Variants in PTPRG observed in about 807,000 individuals in gnomAD.
PTPRG encodes protein tyrosine phosphatase receptor type G.
Under a neutral mutation model 165.3 loss-of-function variants are expected in PTPRG, and 102 were observed. That is an observed-to-expected ratio of 0.62 (90% confidence interval 0.53 to 0.73). The LOEUF is 0.73. PTPRG is among the 30% of genes least tolerant of loss of function. The probability of loss-of-function intolerance (pLI) is 0.00; values close to 1 mark genes in which losing one functional copy is unlikely to be tolerated. For synonymous variants in PTPRG, 675 were observed against 669.5 expected, an observed-to-expected ratio of 1.01 and a Z score of -0.13; for missense variants, 1,866 against 1,861.4, an observed-to-expected ratio of 1.00 and a Z score of -0.05.
chr3:61,832,618 C>T (rs773095889), intron 2 of PTPRG, among the ~76,000 whole-genome samples: 26 of 152,142 alleles, frequency 1.7e-4, no homozygotes, highest in Non-Finnish European at 3.4e-4. Flanking sequence ...GTATCATTAT[C>T]TTCATTTTAT....
rs115388666 is a variant in PTPRG at position 61,633,928 on chromosome 3, T to C, written c.85+71556T>C. Among the ~76,000 whole-genome samples, 606 of 152,102 alleles carry C rather than the reference T, an allele frequency of 4.0e-3. 4 individuals are homozygous for C. The highest frequency in any genetic ancestry group is 0.014 in the African/African-American group (570 of 41,496). The stretch of plus-strand genomic sequence containing the variant: ...TTTTTTTGGTGTTGCTGTTTTGTTC[T>C]TTTTATGAAAGGGTCTCAGTCTGTC... On this transcript the variant is annotated intron_variant, in intron 1 of 29. Transcript: ENST00000474889.
intron 2 of PTPRG, among the ~76,000 whole-genome samples, chr3:61,958,966 G>C (rs2040093143): frequency 6.6e-6 from 1 of 152,116 alleles, no homozygotes; most frequent in African/African-American, 2.4e-5. Flanking sequence ...TGGAGAGAGG[G>C]GCCACTTCTG....
chr3:62,151,409 G>A (rs9826645), intron 6 of PTPRG, among the ~76,000 whole-genome samples: 42,747 of 151,964 alleles, frequency 0.28, 7,590 homozygotes, highest in African/African-American at 0.5. Context: ...AGCGTTGGGT[G>A]AAATGTAGAC....
chr3:61,800,446 G>A (rs970121924), intron 2 of PTPRG, among the ~76,000 whole-genome samples: 8 of 151,978 alleles, frequency 5.3e-5, no homozygotes, highest in South Asian at 2.1e-4. Context: ...GAGGCTTCTC[G>A]GTGCCTTGGC....
intron 5 of PTPRG, among the ~76,000 whole-genome samples, chr3:62,122,986 T>C (rs1172120231): frequency 6.6e-6 from 1 of 152,324 alleles, no homozygotes; most frequent in East Asian, 1.9e-4. Context: ...ATTTGTTCAA[T>C]GACGTATTCT....
At chr3:62,120,848 G>A (rs76643246) in intron 5 of PTPRG, among the ~76,000 whole-genome samples, 2,396 of 152,270 alleles carry the variant, frequency 0.016, 30 homozygotes, top group Non-Finnish European at 0.024. Flanking sequence ...TGATTGACCT[G>A]TCTATAGCCA....
intron 14 of PTPRG, among the ~76,000 whole-genome samples, chr3:62,241,585 C>T (rs1701161560): frequency 6.6e-6 from 1 of 152,010 alleles, no homozygotes; most frequent in African/African-American, 2.4e-5. Flanking sequence ...AATGTGGGGC[C>T]TGTAGTTCCA....
At chr3:62,107,284 C>A (rs1212970195) in intron 5 of PTPRG, among the ~76,000 whole-genome samples, 1 of 152,186 alleles carries the variant, frequency 6.6e-6, no homozygotes, top group Non-Finnish European at 1.5e-5. Context: ...AAGCATACTT[C>A]TATAATATGA....
intron 12 of PTPRG, among the ~76,000 whole-genome samples, chr3:62,212,440 A>G (rs1288992830): frequency 1.3e-5 from 2 of 152,230 alleles, no homozygotes; most frequent in Non-Finnish European, 2.9e-5. Flanking sequence ...TTGTACAGAA[A>G]GAGCCTCTTC....
intron 1 of PTPRG, among the ~76,000 whole-genome samples, chr3:61,663,305 C>G (rs1310808263): frequency 6.6e-6 from 1 of 152,158 alleles, no homozygotes; most frequent in Non-Finnish European, 1.5e-5. Flanking sequence ...TCCCAAATGC[C>G]TGGTGTCACA....
intron 2 of PTPRG, among the ~76,000 whole-genome samples, chr3:61,894,301 C>CCA (rs2038292380): frequency 2.0e-5 from 1 of 49,838 alleles, no homozygotes; most frequent in Non-Finnish European, 3.6e-5. Context: ...GACTCTGTGT[C>CCA]AAAAAAAAAA....
chr3:61,817,288 G>GA (rs201858678), intron 2 of PTPRG, among the ~76,000 whole-genome samples: 6,980 of 118,186 alleles, frequency 0.059, 230 homozygotes, highest in South Asian at 0.21. Context: ...TTAAATCACT[G>GA]AAATTTTTTT....
intron 2 of PTPRG, among the ~76,000 whole-genome samples, chr3:61,840,536 C>T (rs183639937): frequency 1.6e-4 from 24 of 152,128 alleles, no homozygotes; most frequent in African/African-American, 5.5e-4. Context: ...CAAATGATGT[C>T]AGTGTGAATT....
chr3:61,664,942 C>G (rs959914349), intron 1 of PTPRG, among the ~76,000 whole-genome samples: 20 of 152,238 alleles, frequency 1.3e-4, no homozygotes, highest in African/African-American at 4.6e-4. Flanking sequence ...ACTGGACATC[C>G]CCTGTTTTGG....
chr3:61,710,203 G>C (rs2031483904), intron 1 of PTPRG, among the ~76,000 whole-genome samples: 1 of 152,180 alleles, frequency 6.6e-6, no homozygotes, highest in Non-Finnish European at 1.5e-5. Context: ...TCTGAAAATG[G>C]AAACAGCTAG....
At chr3:61,890,566 A>T (rs6445242) in intron 2 of PTPRG, among the ~76,000 whole-genome samples, 24,440 of 151,886 alleles carry the variant, frequency 0.16, 4,148 homozygotes, top group African/African-American at 0.43. Context: ...TATTTTTATA[A>T]TAATGTTAAT....
chr3:61,622,525 C>T (rs148307683), intron 1 of PTPRG, among the ~76,000 whole-genome samples: 24 of 152,002 alleles, frequency 1.6e-4, no homozygotes, highest in African/African-American at 3.9e-4. Flanking sequence ...ATTATGTTGT[C>T]GGAATTTCAG....
rs1256935673 is a variant in PTPRG at position 61,600,169 on chromosome 3, A to AT, written c.85+37797_85+37798insT. 3.2e-3 allele frequency among the ~76,000 whole-genome samples: 320 copies of AT among 100,042 alleles called. 1 individual carries two copies. Among genetic ancestry groups the AT allele is most frequent in the East Asian group, 9.2e-3 (38 of 4,152 alleles). 65.6% of individuals were successfully genotyped at this position (100,042 alleles called of 152,430 possible). A position where few individuals can be genotyped will look rare whatever the true frequency, so the allele number is the denominator to read the frequency against. ...AGTGAGACATTGTCTCAAAAAAAAA[A>AT]AAAAATATATATATATATATATATG... On this transcript the variant is annotated intron_variant, in intron 1 of 29. Coordinates refer to ENST00000474889, the MANE Select transcript of PTPRG (RefSeq NM_002841.4).
intron 2 of PTPRG, among the ~76,000 whole-genome samples, chr3:61,954,054 T>G (rs1037291329): frequency 1.3e-5 from 2 of 152,220 alleles, no homozygotes; most frequent in South Asian, 4.1e-4. Context: ...GACAGACTCA[T>G]TGGTCTTCCA....
Sources: allele counts gnomAD v4.1 joint callset (sites outside exome capture counted in the v4.1 genomes callset), GRCh38; gene constraint gnomAD v4.1.1; transcripts MANE v1.5; gene names NCBI Gene and HGNC (gene_info 2026-07-23, HGNC 2026-07-21).